Variants in PBX1 observed in about 807,000 individuals in gnomAD.
PBX1 encodes pre-B-cell leukemia transcription factor 1.
Under a neutral mutation model 53.4 loss-of-function variants are expected in PBX1, and 6 were observed. The ratio of observed to expected loss-of-function variants is 0.11; its 90% CI spans 0.06 to 0.22. PBX1 has a LOEUF of 0.22. PBX1 is among the 10% of genes least tolerant of loss of function. The probability of loss-of-function intolerance (pLI) is 1.00; values close to 1 mark genes in which losing one functional copy is unlikely to be tolerated. For synonymous variants in PBX1, 204 were observed against 212.3 expected (o/e 0.96, Z 0.34); for missense variants, 251 against 551.4 (o/e 0.46, Z 5.46).
chr1:164,615,936 A>C (rs767905947), intron 2 of PBX1, among the ~76,000 whole-genome samples: 3 of 152,182 alleles, frequency 2.0e-5, no homozygotes, highest in Non-Finnish European at 2.9e-5. Context: ...GTTAAGAGCC[A>C]GGAGTCTGGG....
In PBX1 at chr1:164,603,928, CATTTTTTTTTTT is replaced by C. The variant is rs1381843664; in HGVS notation, c.265+40618_265+40629del. On this transcript the variant is annotated intron_variant, in intron 2 of 8. Transcript: ENST00000420696. Reference sequence around the variant, plus strand: ...AGACACTCTGTACATTATGTCATTTCATTTTTTTTTTTTTTTTTTTTTTTTTTTTTTTTTAGA... The same window carrying C: ...AGACACTCTGTACATTATGTCATTTCTTTTTTTTTTTTTTTTTTTTTTAGA... Among the ~76,000 whole-genome samples the C allele has an allele frequency of 2.6e-3, 125 of 48,760 alleles. 1 individual carries two copies. The highest frequency in any genetic ancestry group is 0.011 in the African/African-American group (120 of 11,182). 32.0% of individuals were successfully genotyped at this position (48,760 alleles called of 152,430 possible). A position where few individuals can be genotyped will look rare whatever the true frequency, so the allele number is the denominator to read the frequency against.
At chr1:164,731,775 AC>A (rs1665000912) in intron 2 of PBX1, among the ~76,000 whole-genome samples, 1 of 152,194 alleles carries the variant, frequency 6.6e-6, no homozygotes, top group African/African-American at 2.4e-5. Flanking sequence ...CATAAACTCA[AC>A]GCCAGTCAAA....
chr1:164,620,042 A>T (rs73018916), intron 2 of PBX1, among the ~76,000 whole-genome samples: 2,473 of 151,866 alleles, frequency 0.016, 75 homozygotes, highest in African/African-American at 0.056. Flanking sequence ...AAAATTAAAG[A>T]ATTAGCCAGG....
At chr1:164,796,703 A>G (rs892062182) in intron 3 of PBX1, among the ~76,000 whole-genome samples, 1 of 152,190 alleles carries the variant, frequency 6.6e-6, no homozygotes, top group African/African-American at 2.4e-5. Flanking sequence ...GCTTCCAGAA[A>G]CAACGTTGCC....
chr1:164,718,608 A>G (rs1664243760), intron 2 of PBX1, among the ~76,000 whole-genome samples: 2 of 152,220 alleles, frequency 1.3e-5, no homozygotes, highest in African/African-American at 4.8e-5. Context: ...ATAGAAGCAC[A>G]TGGGCAGCCA....
intron 2 of PBX1, among the ~76,000 whole-genome samples, chr1:164,701,730 C>A (rs1663133984): frequency 6.6e-6 from 1 of 152,312 alleles, no homozygotes; most frequent in South Asian, 2.1e-4. Context: ...CACATGGGTC[C>A]TGCACAAGAC....
chr1:164,761,591 C>T (rs868459146), intron 2 of PBX1, among the ~76,000 whole-genome samples: 6 of 152,042 alleles, frequency 3.9e-5, no homozygotes, highest in African/African-American at 1.2e-4. Flanking sequence ...ACTACAGGTG[C>T]GCGCCACCAT....
intron 2 of PBX1, among the ~76,000 whole-genome samples, chr1:164,860,048 G>C (rs1470317900): frequency 6.6e-6 from 1 of 152,156 alleles, no homozygotes; most frequent in Non-Finnish European, 1.5e-5. Flanking sequence ...ACTATAGGAA[G>C]CCCAAGAAAG....
chr1:164,727,634 C>T (rs1486249434), intron 2 of PBX1, among the ~76,000 whole-genome samples: 2 of 152,248 alleles, frequency 1.3e-5, no homozygotes, highest in African/African-American at 4.8e-5. Flanking sequence ...TCCCCATGCA[C>T]TAGAGATGAA....
intron 2 of PBX1, among the ~76,000 whole-genome samples, chr1:164,572,145 G>C (rs1053231850): frequency 1.3e-5 from 2 of 151,664 alleles, no homozygotes; most frequent in African/African-American, 4.8e-5. Context: ...GACCTCAAGT[G>C]ATCCACCGGC....
intron 2 of PBX1, chr1:164,683,575 G>C (rs1238397263): frequency 6.6e-6 from 1 of 152,078 alleles, no homozygotes; most frequent in African/African-American, 2.4e-5. Context: ...TCTTTCTTCT[G>C]TATCACCTTG....
downstream of PBX1, among the ~76,000 whole-genome samples, chr1:164,854,930 C>CCT (rs1553254627): frequency 2.7e-4 from 41 of 150,306 alleles, no homozygotes; most frequent in Middle Eastern, 3.4e-3. Context: ...GAGTTATCCT[C>CCT]CTCTCTCTCT....
intron 2 of PBX1, among the ~76,000 whole-genome samples, chr1:164,652,311 C>A (rs1659876299): frequency 6.6e-6 from 1 of 152,170 alleles, no homozygotes; most frequent in African/African-American, 2.4e-5. Context: ...TAAATAACCC[C>A]TGTGGGGGTA....
chr1:164,820,254 T>G, intron 7 of PBX1, 70 bp downstream of exon 7: 2 of 874,620 alleles, frequency 2.3e-6, no homozygotes, highest in Non-Finnish European at 3.8e-6. Context: ...GTATTGGACT[T>G]CCTGCTTCTG....
chr1:164,648,301 A>C (rs1229928407), intron 2 of PBX1, among the ~76,000 whole-genome samples: 3 of 152,202 alleles, frequency 2.0e-5, no homozygotes, highest in Admixed American at 1.3e-4. Flanking sequence ...TGAAGTTACC[A>C]AGCTCTAGGT....
At chr1:164,877,804 A>G (rs914832779) in intron 2 of PBX1, among the ~76,000 whole-genome samples, 1 of 152,244 alleles carries the variant, frequency 6.6e-6, no homozygotes, top group East Asian at 1.9e-4. Context: ...CAAGTGATAC[A>G]CAAGTGATCA....
At chr1:164,617,353 A>G (rs1366244252) in intron 2 of PBX1, among the ~76,000 whole-genome samples, 5 of 152,224 alleles carry the variant, frequency 3.3e-5, no homozygotes. Flanking sequence ...ATAAAATGGC[A>G]CAGACCGCTA....
At chr1:164,781,687 T>A (rs1667943722) in intron 2 of PBX1, among the ~76,000 whole-genome samples, 1 of 152,104 alleles carries the variant, frequency 6.6e-6, no homozygotes, top group Non-Finnish European at 1.5e-5. Flanking sequence ...GTGATGTCTT[T>A]CCCTGTTCCC....
chr1:164,593,229 A>G (rs1244513325), intron 2 of PBX1, among the ~76,000 whole-genome samples: 1 of 152,188 alleles, frequency 6.6e-6, no homozygotes, highest in Non-Finnish European at 1.5e-5. Context: ...AAGTGCGGGA[A>G]TAACAGGCAT....
Sources: allele counts gnomAD v4.1 joint callset (sites outside exome capture counted in the v4.1 genomes callset), GRCh38; gene constraint gnomAD v4.1.1; transcripts MANE v1.5; gene names NCBI Gene and HGNC (gene_info 2026-07-23, HGNC 2026-07-21).